PAPPA2: variants seen among roughly 807,000 people sequenced by gnomAD.
PAPPA2 encodes the protein pappalysin 2, also known as pappalysin-2.
Under a neutral mutation model 176.4 loss-of-function variants are expected in PAPPA2, and 86 were observed. That is an observed-to-expected ratio of 0.49 (90% CI 0.41 to 0.58). The LOEUF is 0.58. PAPPA2 is among the 20% of genes least tolerant of loss of function. PAPPA2 has a pLI of 0.00. For synonymous variants in PAPPA2, 809 were observed against 852.2 expected, an observed-to-expected ratio of 0.95 and a Z score of 0.88; for missense variants, 2,073 against 2,256.9, an observed-to-expected ratio of 0.92 and a Z score of 1.65.
intron 3 of PAPPA2, among the ~76,000 whole-genome samples, chr1:176,653,870 A>G (rs1478972122): frequency 6.6e-6 from 1 of 151,772 alleles, no homozygotes; most frequent in African/African-American, 2.4e-5. Context: ...TGCCAGGAAC[A>G]TTTAGAATGA....
chr1:176,543,353 T>G (rs1650462507), intron 1 of PAPPA2, among the ~76,000 whole-genome samples: 1 of 152,186 alleles, frequency 6.6e-6, no homozygotes, highest in Non-Finnish European at 1.5e-5. Context: ...AGACTCTGTT[T>G]AAGGAAATCC....
At chr1:176,479,951 T>C (rs1351053373) in intron 1 of PAPPA2, among the ~76,000 whole-genome samples, 1 of 152,234 alleles carries the variant, frequency 6.6e-6, no homozygotes, top group Non-Finnish European at 1.5e-5. Context: ...TTTGAAGTTT[T>C]AGCCTGTAGA....
chr1:176,806,896 C>T (rs1258859969), intron 21 of PAPPA2, among the ~76,000 whole-genome samples: 2 of 152,180 alleles, frequency 1.3e-5, no homozygotes, highest in African/African-American at 4.8e-5. Context: ...TTCAGATTTA[C>T]AGCCTTCTTC....
intron 1 of PAPPA2, among the ~76,000 whole-genome samples, chr1:176,498,562 C>A (rs1202813286): frequency 6.6e-6 from 1 of 151,772 alleles, no homozygotes; most frequent in Non-Finnish European, 1.5e-5. Flanking sequence ...CAAGCCTGAC[C>A]AACATGATGA....
At chr1:176,670,870 C>A in intron 3 of PAPPA2, 100 bp from the exon 4 acceptor site, 7 of 1,466,266 alleles carry the variant, frequency 4.8e-6, no homozygotes, top group Non-Finnish European at 4.7e-6. Context: ...AAAGGTAATG[C>A]TGGCTGGGAG....
intron 1 of PAPPA2, among the ~76,000 whole-genome samples, chr1:176,512,260 G>A (rs931438567): frequency 1.4e-4 from 21 of 148,200 alleles, no homozygotes; most frequent in Admixed American, 8.1e-4. Flanking sequence ...TTAAGTGTTG[G>A]CAAAAATGTG....
rs1257446679 is a variant in PAPPA2 at position 176,621,760 on chromosome 1, G to A, written c.1991+26165G>A. ...CAGGTTCAATGGCCTGTCTGTTATA[G>A]TAACTGCCTCTAGTGAACACACCAC... On this transcript the variant is annotated intron_variant, in intron 3 of 22. Transcript: ENST00000367662. 2.0e-5 allele frequency among the ~76,000 whole-genome samples: 3 copies of A among 152,054 alleles called. No homozygotes were observed. In the Middle Eastern group the frequency reaches 0.01, roughly 517 times the overall value.
At chr1:176,476,406 C>T (rs531556938) in intron 1 of PAPPA2, among the ~76,000 whole-genome samples, 1 of 152,290 alleles carries the variant, frequency 6.6e-6, no homozygotes, top group South Asian at 2.1e-4. Context: ...AATCCAAAAG[C>T]TGAAGCTCAT....
At chr1:176,765,609 G>T in intron 14 of PAPPA2, 57 bp from the exon 15 acceptor site, 1 of 1,538,710 alleles carries the variant, frequency 6.5e-7, no homozygotes, top group Non-Finnish European at 8.8e-7. Flanking sequence ...CAAAGTCATT[G>T]CTCCTCCTTA....
chr1:176,613,761 A>G (rs1335338494), intron 3 of PAPPA2, among the ~76,000 whole-genome samples: 1 of 152,216 alleles, frequency 6.6e-6, no homozygotes, highest in African/African-American at 2.4e-5. Context: ...AAGGAACATG[A>G]TCAGGTGTGA....
intron 12 of PAPPA2, among the ~76,000 whole-genome samples, chr1:176,721,371 A>G (rs1363615336): frequency 6.6e-6 from 1 of 152,154 alleles, no homozygotes; most frequent in Non-Finnish European, 1.5e-5. Context: ...TACCCTCTCC[A>G]GTGCTCTTTA....
chr1:176,672,530 G>A (rs1380078185), intron 4 of PAPPA2, among the ~76,000 whole-genome samples: 1 of 151,982 alleles, frequency 6.6e-6, no homozygotes, highest in Non-Finnish European at 1.5e-5. Context: ...AACCAGTGTT[G>A]TAGATTGGGG....
chr1:176,792,830 A>C (rs1393476226), intron 19 of PAPPA2, among the ~76,000 whole-genome samples: 1 of 152,194 alleles, frequency 6.6e-6, no homozygotes, highest in African/African-American at 2.4e-5. Flanking sequence ...GAAATAGAGA[A>C]CCTAGAGAGT....
At position 176,595,037 on chromosome 1, in the gene PAPPA2, T is replaced by C; in HGVS notation, c.1433T>C (p.Leu478Pro). Residue 478 changes from leucine to proline, a missense_variant, in exon 3 of 23, where the codon CTT (leucine) becomes CCT (proline). Coordinates refer to ENST00000367662, the MANE Select transcript of PAPPA2 (RefSeq NM_020318.3). ...TTTAGAGATGAGAAGTACCCACGAC[T>C]TGAGGTTCTCCAGGGCTTTGAGCCA... ...VPFRDEKYPRLEVLQGFEPEP... is the reference protein window; with the variant it reads ...VPFRDEKYPRPEVLQGFEPEP... The C allele has an allele frequency of 6.2e-7, 1 of 1,614,184 alleles. No individual in the cohort carries two copies. The highest frequency in any genetic ancestry group is 8.5e-7 in the Non-Finnish European group (1 of 1,180,026).
intron 1 of PAPPA2, among the ~76,000 whole-genome samples, chr1:176,530,764 T>C (rs1649765994): frequency 6.6e-6 from 1 of 152,208 alleles, no homozygotes; most frequent in Non-Finnish European, 1.5e-5. Flanking sequence ...ATTACATGAG[T>C]TGGAAAAATG....
At chr1:176,469,556 A>G (rs1651781836) in intron 1 of PAPPA2, among the ~76,000 whole-genome samples, 1 of 152,186 alleles carries the variant, frequency 6.6e-6, no homozygotes. Flanking sequence ...GAATTAAGTG[A>G]GCAGTTGCAT....
intron 3 of PAPPA2, among the ~76,000 whole-genome samples, chr1:176,626,301 T>A (rs1656009281): frequency 6.6e-6 from 1 of 152,244 alleles, no homozygotes; most frequent in Non-Finnish European, 1.5e-5. Flanking sequence ...TTAGCTTGCT[T>A]GGCTTTGAAC....
In PAPPA2 at chr1:176,823,112, C is replaced by A. The variant is rs550052177; in HGVS notation, c.5203-17061C>A. Among the ~76,000 whole-genome samples the A allele has an allele frequency of 2.0e-5, 3 of 152,278 alleles. No homozygotes were observed. In the South Asian group the frequency reaches 6.2e-4, roughly 32 times the overall value. ...ACTTTGCTACCACATAAATGAAGAA[C>A]ATAATTTTTCCAGCCTCCTGAAACA... On this transcript the variant is annotated intron_variant, in intron 21 of 22. Transcript: ENST00000367662.
At chr1:176,466,183 G>A (rs544896404) in intron 1 of PAPPA2, among the ~76,000 whole-genome samples, 1 of 152,100 alleles carries the variant, frequency 6.6e-6, no homozygotes, top group South Asian at 2.1e-4. Context: ...AGCTTAATGA[G>A]GTCCTATATG....
Sources: allele counts gnomAD v4.1 joint callset (sites outside exome capture counted in the v4.1 genomes callset), GRCh38; gene constraint gnomAD v4.1.1; transcripts MANE v1.5; gene names NCBI Gene and HGNC (gene_info 2026-07-23, HGNC 2026-07-21).